The following SLC9C2 variants were observed in gnomAD, a reference collection of about 807,000 sequenced individuals.
The protein encoded by SLC9C2 is solute carrier family 9 member C2 (putative).
SLC9C2 carries 75 observed loss-of-function variants against 140.2 expected under a neutral mutation model. That is an observed-to-expected ratio of 0.53 (90% CI 0.44 to 0.65). SLC9C2 has a LOEUF of 0.65. Ranked by LOEUF, SLC9C2 falls within the 30% of genes least tolerant of loss-of-function variation. The pLI is 0.00. For synonymous variants in SLC9C2, 375 were observed against 420.9 expected (o/e 0.89, Z 1.34); for missense variants, 1,074 against 1,331.8 (o/e 0.81, Z 3.01).
chr1:173,514,024 C>G (rs991996305), intron 23 of SLC9C2, among the ~76,000 whole-genome samples: 1 of 152,190 alleles, frequency 6.6e-6, no homozygotes, highest in Non-Finnish European at 1.5e-5. Context: ...GTCTGAGAGA[C>G]AGTTTGTTAT....
At chr1:173,533,580 T>C in intron 17 of SLC9C2, 29 bp downstream of exon 17, 1 of 1,531,444 alleles carries the variant, frequency 6.5e-7, no homozygotes. Flanking sequence ...TCCTGGCAAA[T>C]CTTAATATTT....
chr1:173,527,742 T>C (rs1661307670), intron 18 of SLC9C2, among the ~76,000 whole-genome samples: 4 of 152,212 alleles, frequency 2.6e-5, no homozygotes, highest in Admixed American at 2.6e-4. Flanking sequence ...CCCCAAATAA[T>C]GCATGGCATA....
chr1:173,547,230 T>C (rs1411443351), intron 13 of SLC9C2, among the ~76,000 whole-genome samples: 3 of 152,156 alleles, frequency 2.0e-5, no homozygotes, highest in South Asian at 4.1e-4. Context: ...TATATTTATA[T>C]AGAACATTTA....
chr1:173,544,955 A>G (rs1662734947), intron 13 of SLC9C2, among the ~76,000 whole-genome samples: 1 of 152,200 alleles, frequency 6.6e-6, no homozygotes, highest in African/African-American at 2.4e-5. Flanking sequence ...ATGTATACGT[A>G]TGTAACAAAC....
At chr1:173,519,606 T>C (rs1371343864) in intron 22 of SLC9C2, among the ~76,000 whole-genome samples, 1 of 152,220 alleles carries the variant, frequency 6.6e-6, no homozygotes, top group East Asian at 1.9e-4. Flanking sequence ...AGTCCAGTCA[T>C]GGCAGGAAAA....
chr1:173,538,931 C>T (rs1026696096), intron 13 of SLC9C2, among the ~76,000 whole-genome samples: 2 of 151,998 alleles, frequency 1.3e-5, no homozygotes, highest in Non-Finnish European at 1.5e-5. Flanking sequence ...GTGAGATACT[C>T]CTTCAACCCC....
At chr1:173,539,858 T>C (rs912734845) in intron 13 of SLC9C2, among the ~76,000 whole-genome samples, 13 of 152,110 alleles carry the variant, frequency 8.5e-5, no homozygotes, top group African/African-American at 3.1e-4. Flanking sequence ...CATGGGATTG[T>C]TGGTTTAAAA....
intron 23 of SLC9C2, among the ~76,000 whole-genome samples, chr1:173,514,272 AT>A (rs1326151662): frequency 1.3e-5 from 2 of 152,160 alleles, no homozygotes; most frequent in African/African-American, 4.8e-5. Flanking sequence ...GTCTCCCACT[AT>A]TATTGTGTGG....
At chr1:173,595,622 A>G (rs757163606) in intron 4 of SLC9C2, among the ~76,000 whole-genome samples, 6 of 152,168 alleles carry the variant, frequency 3.9e-5, no homozygotes, top group Non-Finnish European at 8.8e-5. Context: ...GCCTGCCACC[A>G]AAAAATAGAA....
rs1051084057 is a variant in SLC9C2, at chr1:173,557,445, T to A, written c.1110A>T (p.Arg370=). The change falls in exon 10 of 28, where the codon CGA becomes CGT. Residue 370 remains arginine (R), a synonymous_variant. Coordinates refer to ENST00000367714, the MANE Select transcript of SLC9C2 (RefSeq NM_178527.4). Reference sequence around the variant, plus strand: ...CAGACCACGTGATTACAACTCCCCATCGCCAATTATATTCATAATTTGAAT... The same window carrying A: ...CAGACCACGTGATTACAACTCCCCAACGCCAATTATATTCATAATTTGAAT... ...LMHSNYEYNW[R]WGVVITWSGI... 1 of 1,613,744 alleles carries A rather than the reference T, an allele frequency of 6.2e-7. No individual in the cohort carries two copies. The highest frequency in any genetic ancestry group is 8.5e-7 in the Non-Finnish European group (1 of 1,179,830).
chr1:173,580,050 C>T (rs1199989711), intron 7 of SLC9C2, among the ~76,000 whole-genome samples: 3 of 152,190 alleles, frequency 2.0e-5, no homozygotes, highest in Admixed American at 6.5e-5. Flanking sequence ...TTAAAGCCGG[C>T]TCTTTTCTGC....
chr1:173,556,430 C>T (rs1030416219), intron 10 of SLC9C2, among the ~76,000 whole-genome samples: 1 of 151,988 alleles, frequency 6.6e-6, no homozygotes, highest in African/African-American at 2.4e-5. Context: ...CAGAATTTTT[C>T]GAGAAATAAA....
At position 173,557,512 on chromosome 1, in the gene SLC9C2, T is replaced by C; in HGVS notation, c.1047-4A>G. 2 of 1,605,848 alleles carry C rather than the reference T, an allele frequency of 1.2e-6. No homozygotes were observed. Among genetic ancestry groups the C allele is most frequent in the South Asian group, 1.1e-5 (1 of 88,974 alleles). ...CACTAACAAAATAGTAAGCAACCTG[T>C]GGAGAGGGAAACATTAAAAATAAAT... On this transcript the variant is annotated splice_polypyrimidine_tract_variant and splice_region_variant and intron_variant, in intron 9 of 27. Coordinates refer to ENST00000367714, the MANE Select transcript of SLC9C2 (RefSeq NM_178527.4).
At chr1:173,526,454 C>T (rs1661204026) in intron 19 of SLC9C2, among the ~76,000 whole-genome samples, 1 of 152,196 alleles carries the variant, frequency 6.6e-6, no homozygotes, top group Admixed American at 6.5e-5. Flanking sequence ...TTGATACGCT[C>T]ATACACTCCA....
At chr1:173,511,548 G>T (rs184564212) in intron 23 of SLC9C2, among the ~76,000 whole-genome samples, 2 of 151,958 alleles carry the variant, frequency 1.3e-5, no homozygotes, top group African/African-American at 4.8e-5. Flanking sequence ...TGTAGATTCC[G>T]GATATTAGAC....
intron 8 of SLC9C2, among the ~76,000 whole-genome samples, chr1:173,575,578 GTTTGTT>G (rs2102191977): frequency 6.6e-6 from 1 of 152,132 alleles, no homozygotes; most frequent in East Asian, 1.9e-4. Context: ...TTGTTTGTTT[GTTTGTT>G]TTTGTTTTTT....
chr1:173,550,396 C>T (rs1229983398), intron 11 of SLC9C2, among the ~76,000 whole-genome samples: 1 of 151,096 alleles, frequency 6.6e-6, no homozygotes, highest in Non-Finnish European at 1.5e-5. Context: ...AGAATGAGAT[C>T]CTGTATCTTT....
intron 5 of SLC9C2, 140 bp downstream of exon 5, chr1:173,587,525 T>C (rs1231504469): frequency 5.9e-5 from 44 of 739,724 alleles, no homozygotes; most frequent in Non-Finnish European, 8.4e-5. Flanking sequence ...AGTCAATCAG[T>C]GCTCTACCTC....
chr1:173,555,894 T>G (rs1275154732), intron 10 of SLC9C2, among the ~76,000 whole-genome samples: 1 of 152,238 alleles, frequency 6.6e-6, no homozygotes, highest in African/African-American at 2.4e-5. Context: ...AGAAGGCTAC[T>G]ACTCTCTTTG....
Sources: allele counts gnomAD v4.1 joint callset (sites outside exome capture counted in the v4.1 genomes callset), GRCh38; gene constraint gnomAD v4.1.1; transcripts MANE v1.5; gene names NCBI Gene and HGNC (gene_info 2026-07-23, HGNC 2026-07-21).